The following SLC22A14 variants were observed in gnomAD, a reference collection of about 807,000 sequenced individuals.
SLC22A14 encodes organic cation transporter-like 4.
Under a neutral mutation model 53.9 loss-of-function variants are expected in SLC22A14, and 50 were observed. The ratio of observed to expected loss-of-function variants is 0.93; its 90% CI spans 0.74 to 1.17. The LOEUF is 1.17. Ranked by LOEUF, SLC22A14 falls within the 50% of genes most tolerant of loss-of-function variation. SLC22A14 has a pLI of 0.00. For missense variants in SLC22A14, 671 were observed against 734.7 expected (o/e 0.91, Z 1.00); for synonymous variants, 312 against 303.0 (o/e 1.03, Z -0.31).
chr3:38,311,008 T>C (rs537563806), intron 5 of SLC22A14, among the ~76,000 whole-genome samples: 7 of 152,322 alleles, frequency 4.6e-5, no homozygotes, highest in Admixed American at 3.9e-4. Context: ...AGCCCCCATG[T>C]TTCTGAATTA....
intron 4 of SLC22A14, 48 bp from the exon 5 acceptor site, chr3:38,308,906 T>C: frequency 6.3e-7 from 1 of 1,584,702 alleles, no homozygotes; most frequent in Non-Finnish European, 8.6e-7. Flanking sequence ...AGGGCAGCCC[T>C]GGGGACCCTG....
At chr3:38,317,928 C>A (rs1342648948) in intron 10 of SLC22A14, among the ~76,000 whole-genome samples, 1 of 152,170 alleles carries the variant, frequency 6.6e-6, no homozygotes, top group Non-Finnish European at 1.5e-5. Context: ...GGCACAGGGT[C>A]TGGCATGTGG....
At chr3:38,293,523 ACTTATC>A (rs1302252746) in intron 1 of SLC22A14, among the ~76,000 whole-genome samples, 5 of 152,192 alleles carry the variant, frequency 3.3e-5, no homozygotes, top group African/African-American at 1.2e-4. Context: ...TGAGTGATAA[ACTTATC>A]CTTTAAGATT....
intron 1 of SLC22A14, among the ~76,000 whole-genome samples, chr3:38,298,456 ATCT>A (rs1704088753): frequency 6.6e-6 from 1 of 151,788 alleles, no homozygotes; most frequent in South Asian, 2.1e-4. Context: ...CTATCTATCT[ATCT>A]ATCTATCTAT....
rs1370375949 is a variant in SLC22A14, at chr3:38,313,891, C to A, written c.1328C>A (p.Thr443Asn). The change falls in exon 8 of 11, where the codon ACT becomes AAT. Residue 443 changes from threonine to asparagine, a missense_variant. Thr to Asn is a moderately conservative substitution (Grantham distance 65, BLOSUM62 0). Transcript: ENST00000448498. Reference sequence around the variant, plus strand: ...GGGAGGAAGTGGAGCCTGGCTGTGACTCTCCTCCAAGCCATCATCTGGTGC... The same window carrying A: ...GGGAGGAAGTGGAGCCTGGCTGTGAATCTCCTCCAAGCCATCATCTGGTGC... The part of the protein sequence containing the change: ...QIGRKWSLAV[T>N]LLQAIIWCLL... The A allele has an allele frequency of 6.2e-7, 1 of 1,613,908 alleles. No homozygotes were observed. The highest frequency in any genetic ancestry group is 1.3e-5 in the African/African-American group (1 of 74,882).
intron 1 of SLC22A14, among the ~76,000 whole-genome samples, chr3:38,295,145 C>A (rs1431773968): frequency 6.6e-6 from 1 of 152,150 alleles, no homozygotes; most frequent in East Asian, 1.9e-4. Context: ...TTGTCCTGTC[C>A]TGAAGGGAAT....
chr3:38,281,091 A>G (rs2125866135), upstream of SLC22A14, among the ~76,000 whole-genome samples: 1 of 152,080 alleles, frequency 6.6e-6, no homozygotes, highest in Non-Finnish European at 1.5e-5. Flanking sequence ...TCTAGGGGGG[A>G]TGAGGGGCCT....
At position 38,306,242 on chromosome 3, in the gene SLC22A14, C is replaced by A; in HGVS notation, c.216C>A (p.Leu72=). 1 of 1,614,192 alleles carries A rather than the reference C, an allele frequency of 6.2e-7. No individual in the cohort carries two copies. The highest frequency in any genetic ancestry group is 8.5e-7 in the Non-Finnish European group (1 of 1,180,032). The change falls in exon 2 of 11, where the codon CTC becomes CTA. Residue 72 remains leucine (L), a synonymous_variant. Transcript: ENST00000448498. ...FGTFQQRLVA[L]TFIPSIMSAF... ...CATTCCAGCAGAGGCTAGTAGCCCTCACCTTTATCCCCAGCATCATGTCGG... is the reference window on the plus strand; with the variant it reads ...CATTCCAGCAGAGGCTAGTAGCCCTAACCTTTATCCCCAGCATCATGTCGG...
chr3:38,313,343 C>A, intron 6 of SLC22A14, 45 bp from the exon 7 acceptor site: 1 of 1,499,102 alleles, frequency 6.7e-7, no homozygotes, highest in Non-Finnish European at 9.3e-7. Context: ...GGGGAGCAAG[C>A]TGGGGTCTTG....
intron 1 of SLC22A14, among the ~76,000 whole-genome samples, chr3:38,291,035 G>T (rs1703902797): frequency 6.6e-6 from 1 of 152,168 alleles, no homozygotes; most frequent in South Asian, 2.1e-4. Flanking sequence ...TGCTGCGTGG[G>T]CATGGAGGAC....
At position 38,306,552 on chromosome 3, in the gene SLC22A14, G is replaced by A; in HGVS notation, c.516+10G>A. The A allele has an allele frequency of 6.2e-7, 1 of 1,600,084 alleles. No homozygotes were observed. On this transcript the variant is annotated intron_variant, in intron 2 of 10. Coordinates refer to ENST00000448498, the MANE Select transcript of SLC22A14 (RefSeq NM_001320033.2). ...ATCGCTGATCAATGAGGTATGTCTT[G>A]TCATGGGTTGTCTGTAACTACCCTA...
At chr3:38,316,614 GC>G in intron 10 of SLC22A14, 90 bp downstream of exon 10, 1 of 1,162,118 alleles carries the variant, frequency 8.6e-7, no homozygotes, top group Non-Finnish European at 1.2e-6. Flanking sequence ...GTCCATCCCC[GC>G]CCCTCTGCCG....
intron 1 of SLC22A14, among the ~76,000 whole-genome samples, chr3:38,302,498 A>AAT (rs1391621311): frequency 2.0e-5 from 3 of 151,814 alleles, no homozygotes; most frequent in African/African-American, 7.3e-5. Flanking sequence ...CTCTACAAAA[A>AAT]ATATAAAAAT....
intron 1 of SLC22A14, among the ~76,000 whole-genome samples, chr3:38,294,378 T>G (rs1703978929): frequency 6.6e-6 from 1 of 152,110 alleles, no homozygotes; most frequent in Non-Finnish European, 1.5e-5. Flanking sequence ...TGTAAGATGG[T>G]GTTATAATTT....
chr3:38,287,808 G>A (rs1262037938), intron 1 of SLC22A14, among the ~76,000 whole-genome samples: 2 of 152,136 alleles, frequency 1.3e-5, no homozygotes, highest in Non-Finnish European at 2.9e-5. Context: ...ATGGAGAACT[G>A]ACAACTTTTA....
Position 38,318,127 on chromosome 3 carries a change from G to C in SLC22A14, c.1734-71G>C, listed in dbSNP as rs1413818802. On this transcript the variant is annotated intron_variant, in intron 10 of 10. Coordinates refer to ENST00000448498, the MANE Select transcript of SLC22A14 (RefSeq NM_001320033.2). ...AACGCAGGGTTGGGCGCTGCTGAAG[G>C]CACAAGCCGCTGCTTTTCTCAGCTT... 6.3e-6 allele frequency: 9 copies of C among 1,435,006 alleles called. No homozygotes were observed. The Admixed American group carries it at 1.5e-4, about 24-fold the overall frequency. 88.9% of individuals were successfully genotyped at this position (1,435,006 alleles called of 1,614,324 possible).
Position 38,307,910 on chromosome 3 carries a change from A to G in SLC22A14, c.775+190A>G, listed in dbSNP as rs1704355732. 8.0e-6 allele frequency: 5 copies of G among 622,824 alleles called. No individual in the cohort carries two copies. The highest frequency in any genetic ancestry group is 1.4e-5 in the Non-Finnish European group (5 of 357,092). 38.6% of individuals were successfully genotyped at this position (622,824 alleles called of 1,614,324 possible). A position where few individuals can be genotyped will look rare whatever the true frequency, so the allele number is the denominator to read the frequency against. On this transcript the variant is annotated intron_variant, in intron 4 of 10. Coordinates refer to ENST00000448498, the MANE Select transcript of SLC22A14 (RefSeq NM_001320033.2). The surrounding 1 kb of genome is among the most constrained non-coding windows in gnomAD (Gnocchi z 4.4). ...TCTGCTGGGATCCCACAGGACACAG[A>G]GTCAGGGGCCTAATTGGACAGGCAG...
intron 8 of SLC22A14, 73 bp from the exon 9 acceptor site, chr3:38,315,485 G>A: frequency 2.0e-6 from 3 of 1,471,124 alleles, no homozygotes; most frequent in Non-Finnish European, 1.9e-6. Context: ...CAGGTGGTGG[G>A]GAAGGCTGTT....
chr3:38,302,347 T>TATATACATATA (rs1575413319), intron 1 of SLC22A14, among the ~76,000 whole-genome samples: 1 of 148,160 alleles, frequency 6.7e-6, no homozygotes, highest in African/African-American at 2.5e-5. Context: ...TATATTTATA[T>TATATACATATA]TTTCTAATAG....
Sources: allele counts gnomAD v4.1 joint callset (sites outside exome capture counted in the v4.1 genomes callset), GRCh38; gene constraint gnomAD v4.1.1; non-coding constraint Gnocchi (gnomAD v3.1); transcripts MANE v1.5; gene names NCBI Gene and HGNC (gene_info 2026-07-23, HGNC 2026-07-21).